The following KLF8 variants were observed in gnomAD, a reference collection of about 807,000 sequenced individuals.
KLF8 encodes the protein KLF transcription factor 8, also known as Krueppel-like factor 8.
In KLF8, 10 loss-of-function variants were observed where a neutral mutation model predicts 18.2. The ratio of observed to expected loss-of-function variants is 0.55; its 90% CI spans 0.34 to 0.93. KLF8 has a LOEUF of 0.93. KLF8 is among the 40% of genes least tolerant of loss of function. The pLI, the probability that KLF8 is intolerant of heterozygous loss-of-function variation, is 0.02. For synonymous variants in KLF8, 109 were observed against 97.3 expected (o/e 1.12, Z -0.71); for missense variants, 264 against 277.9 (o/e 0.95, Z 0.36).
chrX:56,106,294 A>G, the KLF8 span, among the ~76,000 whole-genome samples: 1 of 111,831 alleles, frequency 8.9e-6, no homozygotes, highest in African/African-American at 3.3e-5. Flanking sequence ...TCTGATGGAT[A>G]ATATTCTGAA....
the KLF8 span, among the ~76,000 whole-genome samples, chrX:56,093,233 T>G: frequency 4.5e-5 from 5 of 111,196 alleles, no homozygotes; most frequent in Non-Finnish European, 9.5e-5. Flanking sequence ...TCAAAAAATC[T>G]ATACCTAGGC....
chrX:55,982,142 C>A, the KLF8 span, among the ~76,000 whole-genome samples: 2 of 111,227 alleles, frequency 1.8e-5, no homozygotes, highest in African/African-American at 3.3e-5. Context: ...GAGATACTCT[C>A]CAGGAATAAA....
At chrX:55,959,456 A>T in the KLF8 span, among the ~76,000 whole-genome samples, 232 of 112,231 alleles carry the variant, frequency 2.1e-3, 2 homozygotes, top group Non-Finnish European at 3.2e-3. Context: ...TGGATGGCAA[A>T]GAAGCTCATC....
the KLF8 span, among the ~76,000 whole-genome samples, chrX:56,052,579 C>T: frequency 3.6e-5 from 4 of 111,717 alleles, no homozygotes; most frequent in East Asian, 2.8e-4. Context: ...TTAGGCTGCC[C>T]GGGGGTCAGG....
the KLF8 span, among the ~76,000 whole-genome samples, chrX:56,089,586 A>G: frequency 8.9e-6 from 1 of 112,209 alleles, no homozygotes; most frequent in African/African-American, 3.2e-5. Context: ...TTTTAGACTC[A>G]GCATAGAACT....
At chrX:55,910,657 G>A in the KLF8 span, among the ~76,000 whole-genome samples, 1 of 111,862 alleles carries the variant, frequency 8.9e-6, no homozygotes, top group Non-Finnish European at 1.9e-5. Context: ...TATTCTGAAT[G>A]AGACAGGAAG....
chrX:55,939,979 C>G, the KLF8 span, among the ~76,000 whole-genome samples: 2 of 112,060 alleles, frequency 1.8e-5, no homozygotes, highest in Non-Finnish European at 3.8e-5. Flanking sequence ...CCTTCTAAAA[C>G]TATTCCAATC....
intron 5 of KLF8, among the ~76,000 whole-genome samples, chrX:56,283,386 T>C (rs2067226292): frequency 9.0e-6 from 1 of 111,458 alleles, no homozygotes; most frequent in African/African-American, 3.3e-5. Context: ...ATTTTATTTA[T>C]TTTTTTGAGA....
chrX:56,277,664 G>C (rs1169771350), intron 5 of KLF8, among the ~76,000 whole-genome samples: 1 of 112,293 alleles, frequency 8.9e-6, no homozygotes, highest in African/African-American at 3.2e-5. Flanking sequence ...GCTATTGCCA[G>C]TGTTCACTCA....
At chrX:56,253,869 T>C (rs183585162) in intron 2 of KLF8, among the ~76,000 whole-genome samples, 1 of 102,279 alleles carries the variant, frequency 9.8e-6, no homozygotes, top group Non-Finnish European at 2.0e-5. Context: ...CCAGCAATTC[T>C]TGTGCCTCAG....
chrX:56,024,300 C>T, the KLF8 span, among the ~76,000 whole-genome samples: 1 of 108,833 alleles, frequency 9.2e-6, no homozygotes, highest in Non-Finnish European at 1.9e-5. Flanking sequence ...CTCTGCCTCC[C>T]GAGTTCAAGC....
chrX:56,169,933 G>C, the KLF8 span, among the ~76,000 whole-genome samples: 1 of 111,567 alleles, frequency 9.0e-6, no homozygotes, highest in Non-Finnish European at 1.9e-5. Context: ...AGTCTCAGTG[G>C]TGGTGACCAC....
rs1350525557 is a variant in KLF8 at position 56,233,196 on chromosome X, G to A, written c.-139G>A. On this transcript the variant is annotated 5_prime_UTR_variant, in exon 1 of 6. Coordinates refer to ENST00000468660, the MANE Select transcript of KLF8 (RefSeq NM_007250.5). ...GGGAGTGGGGGCCCAAGAACGAGAA[G>A]ACGAGAACGCGTCGCCCTGCGCTAT... The A allele has an allele frequency of 4.2e-6, 3 of 709,380 alleles. No homozygotes were observed. The highest frequency in any genetic ancestry group is 6.5e-6 in the Non-Finnish European group (3 of 460,035). The allele number at this position is 709,380 out of a possible 1,213,427, so 58.5% of individuals were successfully genotyped here.
the KLF8 span, among the ~76,000 whole-genome samples, chrX:56,073,181 G>T: frequency 9.1e-6 from 1 of 110,455 alleles, no homozygotes; most frequent in Non-Finnish European, 1.9e-5. Context: ...TAGAGTCAGG[G>T]TTTCACCGTG....
At chrX:56,134,535 A>G in the KLF8 span, among the ~76,000 whole-genome samples, 1 of 112,116 alleles carries the variant, frequency 8.9e-6, no homozygotes, top group East Asian at 2.8e-4. Flanking sequence ...CTTAAATGTA[A>G]GACCTGAAAC....
At chrX:56,164,729 C>CTTTTTTTTTTTTTTTTTAT in the KLF8 span, among the ~76,000 whole-genome samples, 23 of 51,880 alleles carry the variant, frequency 4.4e-4, no homozygotes, top group East Asian at 6.3e-4. Flanking sequence ...CTTGTTATCT[C>CTTTTTTTTTTTTTTTTTAT]TTTTTTTTTT....
chrX:56,180,378 GC>G, the KLF8 span, among the ~76,000 whole-genome samples: 1 of 110,251 alleles, frequency 9.1e-6, no homozygotes, highest in Non-Finnish European at 1.9e-5. Flanking sequence ...AGTCTTCTTA[GC>G]AGTGTATCAA....
At chrX:56,188,954 G>A in the KLF8 span, among the ~76,000 whole-genome samples, 4 of 111,572 alleles carry the variant, frequency 3.6e-5, no homozygotes, top group African/African-American at 1.3e-4. Flanking sequence ...CAGGACATAG[G>A]CATGGGCAAG....
At chrX:56,108,927 G>T in the KLF8 span, among the ~76,000 whole-genome samples, 1 of 111,653 alleles carries the variant, frequency 9.0e-6, no homozygotes, top group African/African-American at 3.3e-5. Context: ...AATTTACCTT[G>T]TGTTTTATTC....
Sources: allele counts gnomAD v4.1 joint callset (sites outside exome capture counted in the v4.1 genomes callset), GRCh38; gene constraint gnomAD v4.1.1; transcripts MANE v1.5; gene names NCBI Gene and HGNC (gene_info 2026-07-23, HGNC 2026-07-21).